Variants in MALT1 observed in about 807,000 individuals in gnomAD.
The protein encoded by MALT1 is MALT1 paracaspase.
Under a neutral mutation model 85.5 loss-of-function variants are expected in MALT1, and 36 were observed. The ratio of observed to expected loss-of-function variants is 0.42; its 90% CI spans 0.32 to 0.56. MALT1 has a LOEUF of 0.56. Among genes scored for constraint, MALT1 ranks in the 20% least tolerant of loss-of-function variants. The probability of loss-of-function intolerance (pLI) is 0.10; values close to 1 mark genes in which losing one functional copy is unlikely to be tolerated. For missense variants in MALT1, 716 were observed against 981.6 expected (o/e 0.73, Z 3.62); for synonymous variants, 359 against 361.3 (o/e 0.99, Z 0.07).
In MALT1 at chr18:58,671,612, G is replaced by T. The variant is rs981543118; in HGVS notation, c.-32G>T. 1.3e-5 allele frequency: 16 copies of T among 1,200,902 alleles called. No individual in the cohort carries two copies. The highest frequency in any genetic ancestry group is 1.7e-5 in the Non-Finnish European group (16 of 965,398). 74.4% of individuals were successfully genotyped at this position (1,200,902 alleles called of 1,614,324 possible). ...GAGGCCCGTGACGGGGCGGGCGGGA[G>T]CCCCGGCAGTCCGGGGTCGCCGGCG... On this transcript the variant is annotated 5_prime_UTR_variant, in exon 1 of 17. Transcript: ENST00000649217.
intron 4 of MALT1, among the ~76,000 whole-genome samples, chr18:58,703,658 A>C (rs2054705860): frequency 6.6e-6 from 1 of 152,182 alleles, no homozygotes; most frequent in Non-Finnish European, 1.5e-5. Flanking sequence ...TCACGAGAAC[A>C]GCATGGGGGA....
In MALT1 at chr18:58,723,090, G is replaced by A. The variant is rs777036725; in HGVS notation, c.1061G>A (p.Arg354Gln). 34 of 1,613,388 alleles carry A rather than the reference G, an allele frequency of 2.1e-5. No individual in the cohort carries two copies. The highest frequency in any genetic ancestry group is 1.7e-4 in the Middle Eastern group (1 of 6,056). ...CTTTTGATAGGAAATATGAATTACC[G>A]GGAGCACCCCAAGCTCAAAGCTCCT... Reference protein sequence around the residue: ...VALLIGNMNYREHPKLKAPLV... With the variant: ...VALLIGNMNYQEHPKLKAPLV... The change falls in exon 10 of 17, where the codon CGG (arginine) becomes CAG (glutamine). Residue 354 changes from arginine to glutamine, a missense_variant. Arg to Gln is a conservative substitution (Grantham distance 43). This residue lies in a region of MALT1 where 290 missense variants were observed against 380.5 expected (regional missense o/e 0.76). Transcript: ENST00000649217.
intron 10 of MALT1, among the ~76,000 whole-genome samples, chr18:58,727,628 G>GTTTTTTTTTTTT (rs74183292): frequency 5.4e-5 from 7 of 130,652 alleles, no homozygotes; most frequent in African/African-American, 2.1e-4. Context: ...TTTTTTTTTT[G>GTTTTTTTTTTTT]TTTTTTTTTT....
chr18:58,747,542 T>C lies in MALT1; in HGVS notation c.2175T>C (p.Thr725=), dbSNP rs1295237697. The C allele has an allele frequency of 2.5e-6, 4 of 1,614,174 alleles. No homozygotes were observed. Among genetic ancestry groups the C allele is most frequent in the East Asian group, 4.5e-5 (2 of 44,884 alleles). ...LDMHRGLGRK[T]CFQTCLMSNG... ...TGCATCGAGGTTTGGGAAGGAAGAC[T>C]TGCTTTCAAACTTGTCTTATGTCTA... The change falls in exon 17 of 17, where the codon ACT becomes ACC. Residue 725 remains threonine, a synonymous_variant. Coordinates refer to ENST00000649217, the MANE Select transcript of MALT1 (RefSeq NM_006785.4).
Position 58,752,165 on chromosome 18 carries a change from T to C in MALT1, c.*4323T>C, listed in dbSNP as rs1341432282. The C allele has an allele frequency of 6.6e-6, 1 of 152,212 alleles. No homozygotes were observed. The highest frequency in any genetic ancestry group is 1.9e-4 in the East Asian group (1 of 5,198). 9.4% of individuals were successfully genotyped at this position (152,212 alleles called of 1,614,324 possible). On this transcript the variant is annotated 3_prime_UTR_variant, in exon 17 of 17. Transcript: ENST00000649217. ...TATACTGGCATAAGCTTTTTTTTGT[T>C]TGTTTTTAATTTTATTAGAAGTGGG...
At position 58,748,391 on chromosome 18, in the gene MALT1, TA is replaced by T. The variant is rs201212523; in HGVS notation, c.*552del. ...AGAGTGAAATATATTTATATATATA[TA>T]AATATATACAGATACATATCTGTGT... On this transcript the variant is annotated 3_prime_UTR_variant, in exon 17 of 17. Coordinates refer to ENST00000649217, the MANE Select transcript of MALT1 (RefSeq NM_006785.4). 5 of 177,928 alleles carry T rather than the reference TA, an allele frequency of 2.8e-5. No individual in the cohort carries two copies. Among genetic ancestry groups the T allele is most frequent in the African/African-American group, 9.4e-5 (4 of 42,388 alleles). The allele number at this position is 177,928 out of a possible 1,614,324, so 11.0% of individuals were successfully genotyped here.
chr18:58,719,327 CT>C (rs2054949344), intron 9 of MALT1, among the ~76,000 whole-genome samples: 1 of 116,758 alleles, frequency 8.6e-6, no homozygotes, highest in Non-Finnish European at 1.6e-5. Flanking sequence ...CTCTCTCTCT[CT>C]CTTTCTCTTC....
At chr18:58,746,305 T>G (rs946670516) in intron 16 of MALT1, among the ~76,000 whole-genome samples, 5 of 152,212 alleles carry the variant, frequency 3.3e-5, no homozygotes, top group African/African-American at 1.2e-4. Context: ...AGGTGTGAGC[T>G]TCCACTCCCA....
In MALT1 at chr18:58,741,936, G is replaced by A. The variant is rs2055306601; in HGVS notation, c.1675G>A (p.Ala559Thr). 6.4e-7 allele frequency: 1 copy of A among 1,573,136 alleles called. No individual in the cohort carries two copies. The highest frequency in any genetic ancestry group is 8.7e-7 in the Non-Finnish European group (1 of 1,150,058). Reference sequence around the variant, plus strand: ...TCGAAGTAGTTTATCTGAGAAGAGAGCACTTACTGATCCAATACAGGGAAC... The same window carrying A: ...TCGAAGTAGTTTATCTGAGAAGAGAACACTTACTGATCCAATACAGGGAAC... ...EIRSSLSEKRALTDPIQGTEY... is the reference protein window; with the variant it reads ...EIRSSLSEKRTLTDPIQGTEY... The change falls in exon 14 of 17, where the codon GCA (alanine) becomes ACA (threonine). Residue 559 changes from alanine to threonine, a missense_variant. By Grantham distance (58) the Ala-to-Thr change is moderately conservative. Transcript: ENST00000649217.
At chr18:58,694,841 G>A (rs1226108870) in intron 2 of MALT1, among the ~76,000 whole-genome samples, 1 of 152,198 alleles carries the variant, frequency 6.6e-6, no homozygotes, top group Non-Finnish European at 1.5e-5. Flanking sequence ...CTTCTCAGAT[G>A]GCTCTCTCAC....
Position 58,753,870 on chromosome 18 carries a change from A to G in MALT1, c.*6028A>G, listed in dbSNP as rs1602353249. The stretch of plus-strand genomic sequence containing the variant: ...ATTACAGAGTGCTTATTCTGTTACA[A>G]AATTAGTAAAGCTGATTCTGCCTCT... On this transcript the variant is annotated 3_prime_UTR_variant, in exon 17 of 17. Coordinates refer to ENST00000649217, the MANE Select transcript of MALT1 (RefSeq NM_006785.4). The G allele has an allele frequency of 6.6e-6, 1 of 152,342 alleles. No homozygotes were observed. The highest frequency in any genetic ancestry group is 1.9e-4 in the East Asian group (1 of 5,192). 9.4% of individuals were successfully genotyped at this position (152,342 alleles called of 1,614,324 possible).
At chr18:58,738,558 G>A (rs780822502) in intron 13 of MALT1, among the ~76,000 whole-genome samples, 2 of 152,136 alleles carry the variant, frequency 1.3e-5, no homozygotes, top group African/African-American at 4.8e-5. Flanking sequence ...TTTTGAGAGA[G>A]AATGCCAGAC....
chr18:58,673,980 A>C (rs1300536143), intron 1 of MALT1: 1 of 152,170 alleles, frequency 6.6e-6, no homozygotes. Context: ...TGCTAGGTAC[A>C]TAAAATTTTG....
intron 1 of MALT1, among the ~76,000 whole-genome samples, chr18:58,676,644 T>C (rs1285054705): frequency 6.6e-6 from 1 of 152,254 alleles, no homozygotes; most frequent in Non-Finnish European, 1.5e-5. Context: ...GTTACCTGTC[T>C]ACTTGCGTTA....
chr18:58,710,170 C>T, intron 6 of MALT1, 98 bp downstream of exon 6: 1 of 656,388 alleles, frequency 1.5e-6, no homozygotes. Context: ...ACTTTTTACC[C>T]CATACTATTT....
At chr18:58,712,751 A>G (rs2054848173) in intron 7 of MALT1, among the ~76,000 whole-genome samples, 1 of 152,186 alleles carries the variant, frequency 6.6e-6, no homozygotes, top group Non-Finnish European at 1.5e-5. Flanking sequence ...TGATCATTAT[A>G]TATCATATGC....
In MALT1 at chr18:58,681,275, A is replaced by G; in HGVS notation, c.315A>G (p.Glu105=). The change falls in exon 2 of 17, where the codon GAA becomes GAG. Residue 105 remains glutamate (E), a synonymous_variant. Coordinates refer to ENST00000649217, the MANE Select transcript of MALT1 (RefSeq NM_006785.4). ...GTGAAAAAGGTTGCACAGTCACAGA[A>G]TTGAGTGATTTCCTGCAGGCTATGG... ...LMGEKGCTVT[E]LSDFLQAMEH... 1 of 1,614,168 alleles carries G rather than the reference A, an allele frequency of 6.2e-7. No individual in the cohort carries two copies. Among genetic ancestry groups the G allele is most frequent in the Non-Finnish European group, 8.5e-7 (1 of 1,180,010 alleles).
chr18:58,710,068 C>T lies in MALT1; in HGVS notation c.921C>T (p.Ile307=), dbSNP rs747343631. Residue 307 remains isoleucine, a synonymous_variant, in exon 6 of 17, where the codon ATC becomes ATT. Coordinates refer to ENST00000649217, the MANE Select transcript of MALT1 (RefSeq NM_006785.4). The stretch of plus-strand genomic sequence containing the variant: ...AAGATAGCAAGAAGGTAGAAATCAT[C>T]ATAGGTAAGAAGTATTTCCCCAGTG... ...DSQDSKKVEI[I]IGRTDEAVEC... 6.3e-7 allele frequency: 1 copy of T among 1,595,952 alleles called. No homozygotes were observed. The highest frequency in any genetic ancestry group is 8.6e-7 in the Non-Finnish European group (1 of 1,164,212).
chr18:58,722,086 T>C (rs1331679567), intron 9 of MALT1, among the ~76,000 whole-genome samples: 2 of 150,364 alleles, frequency 1.3e-5, no homozygotes, highest in African/African-American at 4.9e-5. Context: ...GGGATGGTCT[T>C]GAGGTTTTGG....
Sources: gnomAD v4.1 joint callset for allele counts (sites outside exome capture counted in the v4.1 genomes callset) on GRCh38, gnomAD v4.1.1 for gene constraint, gnomAD v4.1.1 regional missense constraint, MANE v1.5 for transcripts, NCBI Gene and HGNC (gene_info 2026-07-23, HGNC 2026-07-21) for gene names.